Variants in ZNF277 observed in about 807,000 individuals in gnomAD.
ZNF277 encodes zinc finger protein 277.
A neutral mutation model predicts 60.7 loss-of-function variants in ZNF277; 55 were observed. The observed-to-expected ratio is 0.91, with a 90% confidence interval of 0.73 to 1.13. The LOEUF (loss-of-function observed/expected upper bound fraction) is 1.13. ZNF277 is among the 50% of genes most tolerant of loss of function. The pLI, the probability that ZNF277 is intolerant of heterozygous loss-of-function variation, is 0.00. For synonymous variants in ZNF277, 178 were observed against 179.3 expected (o/e 0.99, Z 0.06); for missense variants, 510 against 523.0 (o/e 0.98, Z 0.24).
chr7:112,327,901 A>G (rs1793135528), intron 6 of ZNF277, 74 bp downstream of exon 6: 4 of 973,680 alleles, frequency 4.1e-6, no homozygotes, highest in Non-Finnish European at 5.9e-6. Context: ...TTTTAAATTA[A>G]TTTAATAGAG....
chr7:112,206,749 C>T lies in ZNF277; in HGVS notation c.33C>T (p.Ala11=), dbSNP rs1162913823. 1 of 1,613,162 alleles carries T rather than the reference C, an allele frequency of 6.2e-7. No homozygotes were observed. Among genetic ancestry groups the T allele is most frequent in the Non-Finnish European group, 8.5e-7 (1 of 1,179,632 alleles). The change falls in exon 1 of 12, where the codon GCC becomes GCT. Residue 11 remains alanine (A), a synonymous_variant. Coordinates refer to ENST00000361822, the MANE Select transcript of ZNF277 (RefSeq NM_021994.3). ...CTTCCAAGACCCAGGGGGCTGTCGC[C>T]CGAATGCAGGAAGACCGTGATGGGA... MAASKTQGAV[A]RMQEDRDGSC... is the part of the protein sequence containing the mutation.
At chr7:112,283,079 A>G (rs1336251647) in intron 1 of ZNF277, among the ~76,000 whole-genome samples, 1 of 152,246 alleles carries the variant, frequency 6.6e-6, no homozygotes, top group Non-Finnish European at 1.5e-5. Flanking sequence ...TTTGCCTTCT[A>G]AGGGCTAACA....
chr7:112,331,643 GT>G (rs1250856838), intron 7 of ZNF277, among the ~76,000 whole-genome samples: 1 of 152,168 alleles, frequency 6.6e-6, no homozygotes, highest in Non-Finnish European at 1.5e-5. Flanking sequence ...ACTCTAAGAG[GT>G]TGCCATGGTT....
At chr7:112,230,489 G>A (rs1410382378) in intron 1 of ZNF277, among the ~76,000 whole-genome samples, 5 of 152,120 alleles carry the variant, frequency 3.3e-5, no homozygotes, top group East Asian at 1.9e-4. Flanking sequence ...GCAGCTTCTC[G>A]ACCAGAGAAC....
chr7:112,319,635 A>T (rs1011918903), intron 5 of ZNF277, among the ~76,000 whole-genome samples: 1 of 148,114 alleles, frequency 6.8e-6, no homozygotes, highest in African/African-American at 2.5e-5. Flanking sequence ...TGGAATTTAT[A>T]AATTATAATT....
chr7:112,282,922 A>G (rs1193669401), intron 1 of ZNF277, among the ~76,000 whole-genome samples: 1 of 152,200 alleles, frequency 6.6e-6, no homozygotes, highest in Non-Finnish European at 1.5e-5. Flanking sequence ...TCATAGGGTT[A>G]TTGTGAGGGT....
intron 1 of ZNF277, among the ~76,000 whole-genome samples, chr7:112,243,053 G>A (rs1005219587): frequency 6.6e-6 from 1 of 151,910 alleles, no homozygotes; most frequent in Non-Finnish European, 1.5e-5. Flanking sequence ...TGACAAAGTT[G>A]ACAAAAATAT....
chr7:112,340,991 G>T lies in ZNF277; in HGVS notation c.1129G>T (p.Glu377Ter). 10 of 1,608,994 alleles carry T rather than the reference G, an allele frequency of 6.2e-6. No homozygotes were observed. The highest frequency in any genetic ancestry group is 8.5e-6 in the Non-Finnish European group (10 of 1,178,358). Residue 377 changes from glutamate to a stop codon, truncating the protein, a stop_gained, in exon 11 of 12, where the codon GAA becomes TAA. Coordinates refer to ENST00000361822, the MANE Select transcript of ZNF277 (RefSeq NM_021994.3). LOFTEE classifies it high-confidence loss of function. ...CAAAGCAGACTTAAGAACTCACATG[G>T]AAGAAACTAAACACACTTCGCTGCT... is the stretch of plus-strand genomic sequence containing the variant. ...KSKADLRTHM[E>*]ETKHTSLLPD...
At chr7:112,234,549 A>C (rs1309895169) in intron 1 of ZNF277, among the ~76,000 whole-genome samples, 1 of 152,126 alleles carries the variant, frequency 6.6e-6, no homozygotes, top group East Asian at 1.9e-4. Flanking sequence ...ATGTTTCTAC[A>C]TATGAATTTT....
intron 1 of ZNF277, among the ~76,000 whole-genome samples, chr7:112,237,905 G>A: frequency 6.6e-6 from 1 of 152,126 alleles, no homozygotes; most frequent in East Asian, 1.9e-4. Flanking sequence ...CTTTGATGAA[G>A]ATAGATGCAG....
At chr7:112,297,657 C>T (rs1792385631) in intron 4 of ZNF277, among the ~76,000 whole-genome samples, 1 of 152,192 alleles carries the variant, frequency 6.6e-6, no homozygotes, top group Non-Finnish European at 1.5e-5. Context: ...AGTTTCTCTT[C>T]TCTCCTTATA....
At chr7:112,212,954 C>T (rs1215008359) in intron 1 of ZNF277, among the ~76,000 whole-genome samples, 1 of 152,106 alleles carries the variant, frequency 6.6e-6, no homozygotes, top group Non-Finnish European at 1.5e-5. Context: ...AAGGTATAGG[C>T]CGTGGGATGT....
At chr7:112,220,696 G>A (rs1051134580) in intron 1 of ZNF277, among the ~76,000 whole-genome samples, 2 of 152,198 alleles carry the variant, frequency 1.3e-5, no homozygotes, top group Non-Finnish European at 2.9e-5. Flanking sequence ...GAATCCCTAA[G>A]CCTAGCTGGG....
intron 1 of ZNF277, among the ~76,000 whole-genome samples, chr7:112,236,126 C>G (rs1467248262): frequency 6.6e-6 from 1 of 152,046 alleles, no homozygotes; most frequent in African/African-American, 2.4e-5. Context: ...ACCACACTAT[C>G]TTAATTACTG....
intron 1 of ZNF277, among the ~76,000 whole-genome samples, chr7:112,279,944 G>A (rs2117050854): frequency 6.6e-6 from 1 of 152,280 alleles, no homozygotes; most frequent in South Asian, 2.1e-4. Flanking sequence ...GGACAAAGTG[G>A]AAGGGGATGC....
intron 4 of ZNF277, among the ~76,000 whole-genome samples, chr7:112,297,286 T>C (rs1343804260): frequency 1.3e-5 from 2 of 152,180 alleles, no homozygotes; most frequent in Admixed American, 6.6e-5. Context: ...TACTTTTGTT[T>C]AAAAGTACAT....
At chr7:112,277,059 C>A (rs1208179711) in intron 1 of ZNF277, among the ~76,000 whole-genome samples, 1 of 150,032 alleles carries the variant, frequency 6.7e-6, no homozygotes, top group South Asian at 2.1e-4. Flanking sequence ...TCCCCAGAAC[C>A]CTTTTAAGAA....
At chr7:112,337,924 A>G (rs1309833849) in intron 9 of ZNF277, 98 bp downstream of exon 9, 3 of 1,014,788 alleles carry the variant, frequency 3.0e-6, no homozygotes, top group Middle Eastern at 2.5e-4. Context: ...TTTCCCAATC[A>G]TTATTCCAAC....
chr7:112,295,237 A>G (rs1303433509), intron 2 of ZNF277, among the ~76,000 whole-genome samples: 3 of 152,182 alleles, frequency 2.0e-5, no homozygotes, highest in Non-Finnish European at 2.9e-5. Flanking sequence ...TCACATATGT[A>G]GGTCTGGGTG....
Sources: gnomAD v4.1 joint callset for allele counts (sites outside exome capture counted in the v4.1 genomes callset) on GRCh38, gnomAD v4.1.1 for gene constraint, MANE v1.5 for transcripts, NCBI Gene and HGNC (gene_info 2026-07-23, HGNC 2026-07-21) for gene names.